The following NID2 variants were observed in gnomAD, a reference collection of about 807,000 sequenced individuals.
NID2 encodes the protein nidogen-2.
Under a neutral mutation model 145.4 loss-of-function variants are expected in NID2, and 83 were observed. That is an observed-to-expected ratio of 0.57 (90% CI 0.48 to 0.69). The LOEUF is 0.69. NID2 is among the 30% of genes least tolerant of loss of function. NID2 has a pLI of 0.00. For missense variants in NID2, 1,807 were observed against 1,765.7 expected, an observed-to-expected ratio of 1.02 and a Z score of -0.42; for synonymous variants, 739 against 701.3, an observed-to-expected ratio of 1.05 and a Z score of -0.85.
intron 7 of NID2, 139 bp from the exon 8 acceptor site, chr14:52,040,990 C>A: frequency 1.4e-6 from 1 of 724,848 alleles, no homozygotes; most frequent in South Asian, 1.7e-5. Context: ...AGAGTAAGCA[C>A]TATCAGCTGT....
chr14:52,014,715 T>TC (rs1349201925), intron 15 of NID2, among the ~76,000 whole-genome samples: 3 of 151,502 alleles, frequency 2.0e-5, no homozygotes, highest in South Asian at 2.1e-4. Flanking sequence ...GATTTTTTTT[T>TC]CAAGAGAAAA....
At chr14:52,041,314 G>A (rs1033997482) in intron 7 of NID2, among the ~76,000 whole-genome samples, 1 of 152,088 alleles carries the variant, frequency 6.6e-6, no homozygotes, top group Admixed American at 6.5e-5. Flanking sequence ...AATTTATCCA[G>A]GTGTGCCATT....
At chr14:52,036,443 A>G (rs765515886) in intron 9 of NID2, among the ~76,000 whole-genome samples, 3 of 152,216 alleles carry the variant, frequency 2.0e-5, no homozygotes, top group Non-Finnish European at 4.4e-5. Flanking sequence ...CCTTTTGGCT[A>G]TTATGAATAC....
intron 21 of NID2, 26 bp downstream of exon 21, chr14:52,005,711 G>A: frequency 6.4e-7 from 1 of 1,563,370 alleles, no homozygotes; most frequent in South Asian, 1.1e-5. Flanking sequence ...CTAATTTAAA[G>A]GAGCATCCTA....
Position 52,054,124 on chromosome 14 carries a change from T to A in NID2, c.965A>T (p.Glu322Val). The A allele has an allele frequency of 6.2e-7, 1 of 1,614,184 alleles. No homozygotes were observed. Among genetic ancestry groups the A allele is most frequent in the Non-Finnish European group, 8.5e-7 (1 of 1,180,034 alleles). Residue 322 changes from glutamate to valine, a missense_variant, in exon 4 of 22, where the codon GAG becomes GTG. By Grantham distance (121) the Glu-to-Val change is moderately radical (BLOSUM62 -2). Transcript: ENST00000216286. ...EDNLDYYDVN[E>V]EEAEYLPGEP... The stretch of plus-strand genomic sequence containing the variant: ...ACCCGGAAGGTATTCAGCTTCCTCC[T>A]CATTCACATCATAGTAATCCAAATT...
chr14:52,033,892 G>A (rs967718943), intron 9 of NID2, among the ~76,000 whole-genome samples: 5 of 152,224 alleles, frequency 3.3e-5, no homozygotes, highest in Non-Finnish European at 5.9e-5. Flanking sequence ...AAGGGTGTGC[G>A]TACTGGAGCC....
At chr14:52,033,146 A>G (rs957275600) in intron 9 of NID2, among the ~76,000 whole-genome samples, 2 of 152,234 alleles carry the variant, frequency 1.3e-5, no homozygotes, top group African/African-American at 4.8e-5. Flanking sequence ...GTAAGTAAAG[A>G]ACACAGTATC....
intron 5 of NID2, among the ~76,000 whole-genome samples, chr14:52,045,696 C>G (rs973216952): frequency 2.1e-4 from 32 of 152,224 alleles, no homozygotes; most frequent in African/African-American, 7.2e-4. Flanking sequence ...GTGTCAAAAT[C>G]TCAGGTTTCT....
intron 5 of NID2, among the ~76,000 whole-genome samples, chr14:52,050,439 C>G (rs1892645622): frequency 6.6e-6 from 1 of 152,200 alleles, no homozygotes; most frequent in Non-Finnish European, 1.5e-5. Context: ...AAAGACTTCC[C>G]CAACAGCAGT....
chr14:52,018,943 G>C (rs1449013337), intron 14 of NID2, 118 bp downstream of exon 14: 1 of 694,918 alleles, frequency 1.4e-6, no homozygotes, highest in Non-Finnish European at 2.5e-6. Flanking sequence ...AGTCTTCTCA[G>C]GAGGAAAGAG....
chr14:52,044,521 C>T (rs1415890309), intron 5 of NID2, among the ~76,000 whole-genome samples: 12 of 152,094 alleles, frequency 7.9e-5, no homozygotes, highest in Admixed American at 7.9e-4. Flanking sequence ...CCACCTGCCT[C>T]GGCCTCCCAA....
intron 16 of NID2, 86 bp downstream of exon 16, chr14:52,014,201 T>G: frequency 6.4e-7 from 1 of 1,554,522 alleles, no homozygotes; most frequent in Non-Finnish European, 8.9e-7. Flanking sequence ...CCTGCACCAG[T>G]CCACCTCACT....
chr14:52,067,790 G>C (rs1893272807), intron 2 of NID2, 68 bp downstream of exon 2: 1 of 1,568,652 alleles, frequency 6.4e-7, no homozygotes, highest in African/African-American at 1.4e-5. Context: ...CCAGTCCCTG[G>C]GTCGCTGCCC....
chr14:52,030,481 A>AAAAGAAAAGAAAAGAAAGAAAG lies in NID2; in HGVS notation c.2258-792_2258-791insCTTTCTTTCTTTTCTTTTCTTT, dbSNP rs1555363676. 1.9e-3 allele frequency among the ~76,000 whole-genome samples: 220 copies of AAAAGAAAAGAAAAGAAAGAAAG among 115,338 alleles called. 6 individuals are homozygous for AAAAGAAAAGAAAAGAAAGAAAG. Among genetic ancestry groups the AAAAGAAAAGAAAAGAAAGAAAG allele is most frequent in the African/African-American group, 6.8e-3 (212 of 31,176 alleles). 75.7% of individuals were successfully genotyped at this position (115,338 alleles called of 152,430 possible). Reference sequence around the variant, plus strand: ...GCCAAGACCTTATCTCGAGAGAAAGAAAAGAAAGAAAGAAAGAAAGAGAAA... The same window carrying AAAAGAAAAGAAAAGAAAGAAAG: ...GCCAAGACCTTATCTCGAGAGAAAGAAAAGAAAAGAAAAGAAAGAAAGAAAGAAAGAAAGAAAGAAAGAGAAA... On this transcript the variant is annotated intron_variant, in intron 9 of 21. Coordinates refer to ENST00000216286, the MANE Select transcript of NID2 (RefSeq NM_007361.4).
At chr14:52,063,854 C>T (rs1169810244) in intron 2 of NID2, among the ~76,000 whole-genome samples, 1 of 152,194 alleles carries the variant, frequency 6.6e-6, no homozygotes, top group East Asian at 1.9e-4. Flanking sequence ...TTTTACTGCA[C>T]TAAATCCTAC....
intron 14 of NID2, among the ~76,000 whole-genome samples, chr14:52,017,392 A>G (rs1489926607): frequency 6.6e-6 from 1 of 152,126 alleles, no homozygotes; most frequent in East Asian, 1.9e-4. Flanking sequence ...AGCTGACCCC[A>G]TCAAACATGA....
Position 52,011,595 on chromosome 14 carries a change from C to G in NID2, c.3509G>C (p.Gly1170Ala), listed in dbSNP as rs146165591. Residue 1170 changes from glycine (G) to alanine (A), a missense_variant, in exon 17 of 22, where the codon GGT becomes GCT. By Grantham distance (60) the Gly-to-Ala change is moderately conservative (BLOSUM62 0). Transcript: ENST00000216286. ...DVAGRTISRA[G>A]LELGAEPETI... The stretch of plus-strand genomic sequence containing the variant: ...CTCAGGCTCTGCTCCCAGTTCCAGA[C>G]CAGCACGGCTGATTGTCCGTCCAGC... 2.6e-5 allele frequency: 42 copies of G among 1,614,214 alleles called. No individual in the cohort carries two copies. In the Admixed American group the frequency reaches 5.3e-4, roughly 20 times the overall value.
intron 8 of NID2, among the ~76,000 whole-genome samples, chr14:52,039,419 A>G (rs1337249214): frequency 6.6e-6 from 1 of 152,218 alleles, no homozygotes; most frequent in Non-Finnish European, 1.5e-5. Flanking sequence ...AAACCAATCC[A>G]TCTTCTACAT....
At chr14:52,046,571 A>G (rs531807555) in intron 5 of NID2, among the ~76,000 whole-genome samples, 22 of 152,328 alleles carry the variant, frequency 1.4e-4, no homozygotes, top group Admixed American at 3.9e-4. Flanking sequence ...CATAGCTTTT[A>G]TCTAAGTAAA....
Sources: gnomAD v4.1 joint callset for allele counts (sites outside exome capture counted in the v4.1 genomes callset) on GRCh38, gnomAD v4.1.1 for gene constraint, MANE v1.5 for transcripts, NCBI Gene and HGNC (gene_info 2026-07-23, HGNC 2026-07-21) for gene names.